The following MICAL2 variants were observed in gnomAD, a reference collection of about 807,000 sequenced individuals.
MICAL2 encodes the protein [F-actin]-monooxygenase MICAL2.
In MICAL2, 77 loss-of-function variants were observed where a neutral mutation model predicts 127.3. That is an observed-to-expected ratio of 0.60 (90% CI 0.50 to 0.73). The LOEUF (loss-of-function observed/expected upper bound fraction) is 0.73. Among genes scored for constraint, MICAL2 ranks in the 30% least tolerant of loss-of-function variants. The pLI is 0.00. For synonymous variants in MICAL2, 570 were observed against 551.1 expected (o/e 1.03, Z -0.48); for missense variants, 1,351 against 1,434.4 (o/e 0.94, Z 0.94).
At chr11:12,148,456 C>G (rs1298235391) in intron 2 of MICAL2, among the ~76,000 whole-genome samples, 1 of 152,056 alleles carries the variant, frequency 6.6e-6, no homozygotes, top group Non-Finnish European at 1.5e-5. Flanking sequence ...GATTTATGAA[C>G]AGGATAAAGG....
chr11:12,317,808 A>T (rs1864247987), intron 29 of MICAL2, among the ~76,000 whole-genome samples: 1 of 149,990 alleles, frequency 6.7e-6, no homozygotes, highest in African/African-American at 2.4e-5. Context: ...AAAAAAAAGT[A>T]CTAGAATGGT....
intron 1 of MICAL2, among the ~76,000 whole-genome samples, chr11:12,123,861 A>T (rs754786362): frequency 6.6e-6 from 1 of 152,036 alleles, no homozygotes; most frequent in Non-Finnish European, 1.5e-5. Flanking sequence ...AGATCTTTTT[A>T]TACAGCGAAG....
chr11:12,296,664 T>C (rs1176558355), downstream of MICAL2, among the ~76,000 whole-genome samples: 1 of 151,842 alleles, frequency 6.6e-6, no homozygotes, highest in African/African-American at 2.4e-5. Context: ...TTCCCTTCCT[T>C]GTCCCTGAGC....
At chr11:12,305,823 C>A (rs1379554118) in intron 29 of MICAL2, among the ~76,000 whole-genome samples, 2 of 152,062 alleles carry the variant, frequency 1.3e-5, no homozygotes, top group South Asian at 2.1e-4. Flanking sequence ...GTTGTAGAGA[C>A]CTTGTACAAT....
chr11:12,321,076 A>C (rs536646255), intron 30 of MICAL2, among the ~76,000 whole-genome samples: 4 of 152,146 alleles, frequency 2.6e-5, no homozygotes, highest in Non-Finnish European at 4.4e-5. Context: ...AAAAGAATAG[A>C]ATGGCCCAAA....
intron 3 of MICAL2, among the ~76,000 whole-genome samples, chr11:12,170,175 C>G (rs1168272662): frequency 6.6e-6 from 1 of 152,150 alleles, no homozygotes; most frequent in Non-Finnish European, 1.5e-5. Context: ...CTTTGTCAGT[C>G]CCCATTTCTC....
chr11:12,254,911 CTTTTTTT>C (rs56183672), intron 22 of MICAL2: 7 of 63,134 alleles, frequency 1.1e-4, no homozygotes, highest in Non-Finnish European at 1.9e-4. Context: ...ACCACCTTAA[CTTTTTTT>C]TTTTTTTTTT....
At chr11:12,172,505 C>A (rs1381970681) in intron 3 of MICAL2, among the ~76,000 whole-genome samples, 2 of 152,114 alleles carry the variant, frequency 1.3e-5, no homozygotes, top group Non-Finnish European at 2.9e-5. Flanking sequence ...CCTACTTGGC[C>A]TTTCAGTAAA....
intron 32 of MICAL2, among the ~76,000 whole-genome samples, chr11:12,342,307 G>A (rs1156518570): frequency 6.6e-6 from 1 of 152,182 alleles, no homozygotes; most frequent in African/African-American, 2.4e-5. Context: ...ATGGAGATGT[G>A]GATAAGCAAA....
intron 2 of MICAL2, among the ~76,000 whole-genome samples, chr11:12,154,034 G>A (rs1326465267): frequency 1.3e-5 from 2 of 152,212 alleles, no homozygotes; most frequent in African/African-American, 2.4e-5. Flanking sequence ...GGAGATTTGG[G>A]TTGGAGGCAA....
At chr11:12,291,340 G>A (rs144909949), downstream of MICAL2, among the ~76,000 whole-genome samples, 101 of 152,300 alleles carry the variant, frequency 6.6e-4, 3 homozygotes, top group East Asian at 0.013. Flanking sequence ...GGGAGAAGGA[G>A]GGGAGAGGGA....
At chr11:12,111,260 C>A (rs1007018044) in intron 1 of MICAL2, among the ~76,000 whole-genome samples, 6 of 152,130 alleles carry the variant, frequency 3.9e-5, no homozygotes, top group African/African-American at 9.7e-5. Flanking sequence ...GGCTGGAGCC[C>A]AGTCGGGATG....
At chr11:12,213,115 C>A in intron 6 of MICAL2, 140 bp from the exon 7 acceptor site, 1 of 964,336 alleles carries the variant, frequency 1.0e-6, no homozygotes, top group Non-Finnish European at 1.5e-6. Flanking sequence ...GGTATTTCTG[C>A]CCGCTCCTGT....
chr11:12,274,058 G>T (rs772772949), upstream of MICAL2, among the ~76,000 whole-genome samples: 20 of 152,150 alleles, frequency 1.3e-4, no homozygotes, highest in Non-Finnish European at 2.2e-4. Flanking sequence ...ATTAAAACAA[G>T]TTTTCTTAAG....
chr11:12,163,037 T>G (rs1209860654), intron 3 of MICAL2, among the ~76,000 whole-genome samples: 1 of 152,172 alleles, frequency 6.6e-6, no homozygotes, highest in Non-Finnish European at 1.5e-5. Context: ...CTCTTTCTCT[T>G]CCTCCTGATA....
intron 1 of MICAL2, among the ~76,000 whole-genome samples, chr11:12,114,053 C>G (rs1427198835): frequency 6.6e-6 from 1 of 152,180 alleles, no homozygotes; most frequent in Non-Finnish European, 1.5e-5. Flanking sequence ...TATTGCAGTC[C>G]TCTCTCAAAA....
At chr11:12,165,947 G>A (rs1031279302) in intron 3 of MICAL2, among the ~76,000 whole-genome samples, 16 of 152,170 alleles carry the variant, frequency 1.1e-4, no homozygotes, top group South Asian at 6.2e-4. Flanking sequence ...TTCCCTGGGC[G>A]TGACTGTGTT....
chr11:12,156,893 G>A (rs1197174069), intron 2 of MICAL2, among the ~76,000 whole-genome samples: 1 of 152,258 alleles, frequency 6.6e-6, no homozygotes, highest in Non-Finnish European at 1.5e-5. Context: ...AGTGTGGGGG[G>A]AACACCCCAC....
chr11:12,263,325 G>C (rs1182974748), intron 27 of MICAL2: 1 of 152,218 alleles, frequency 6.6e-6, no homozygotes, highest in South Asian at 2.1e-4. Flanking sequence ...TTGTACCTGG[G>C]GCAGCAGGAT....
Sources: allele counts gnomAD v4.1 joint callset (sites outside exome capture counted in the v4.1 genomes callset), GRCh38; gene constraint gnomAD v4.1.1; transcripts MANE v1.5; gene names NCBI Gene and HGNC (gene_info 2026-07-23, HGNC 2026-07-21).